Variants in RADX observed in about 807,000 individuals in gnomAD.
RADX encodes RPA-related protein RADX.
Under a neutral mutation model 61.6 loss-of-function variants are expected in RADX, and 36 were observed. The ratio of observed to expected loss-of-function variants is 0.58; its 90% CI spans 0.45 to 0.77. The LOEUF is 0.77. Ranked by LOEUF, RADX falls within the 30% of genes least tolerant of loss-of-function variation. RADX has a pLI of 0.00. For missense variants in RADX, 497 were observed against 651.1 expected (o/e 0.76, Z 2.58); for synonymous variants, 272 against 237.9 (o/e 1.14, Z -1.32).
intron 1 of RADX, among the ~76,000 whole-genome samples, chrX:106,619,702 CT>C (rs762078078): frequency 7.1e-4 from 79 of 111,501 alleles, no homozygotes; most frequent in African/African-American, 2.4e-3. Context: ...TTTCACTGAT[CT>C]TTTCAAATTT....
chrX:106,636,706 C>A, intron 7 of RADX, 59 bp downstream of exon 7: 1 of 602,295 alleles, frequency 1.7e-6, no homozygotes, highest in East Asian at 3.6e-5. Flanking sequence ...TAGAATCCTT[C>A]AGTACATATT....
intron 11 of RADX, among the ~76,000 whole-genome samples, chrX:106,648,656 AGTAGGAAGT>A (rs1176261159): frequency 1.8e-5 from 2 of 111,411 alleles, no homozygotes; most frequent in Non-Finnish European, 3.8e-5. Flanking sequence ...TAGAAGAATA[AGTAGGAAGT>A]TTAATTTTTA....
intron 9 of RADX, among the ~76,000 whole-genome samples, chrX:106,640,078 A>G (rs1927469146): frequency 9.2e-6 from 1 of 108,772 alleles, no homozygotes; most frequent in Non-Finnish European, 1.9e-5. Flanking sequence ...CTATGACTAT[A>G]TTAATTTCCT....
At chrX:106,624,778 T>C (rs1345985195) in intron 2 of RADX, among the ~76,000 whole-genome samples, 1 of 111,627 alleles carries the variant, frequency 9.0e-6, no homozygotes, top group Non-Finnish European at 1.9e-5. Context: ...GAATATAACA[T>C]CATTATTTAA....
chrX:106,622,097 C>T (rs1926963133), intron 1 of RADX, among the ~76,000 whole-genome samples: 1 of 108,978 alleles, frequency 9.2e-6, no homozygotes, highest in African/African-American at 3.3e-5. Context: ...CCACCAGGCC[C>T]AGCTAATTTT....
At chrX:106,634,370 G>T (rs747992017) in intron 6 of RADX, among the ~76,000 whole-genome samples, 4 of 111,155 alleles carry the variant, frequency 3.6e-5, no homozygotes, top group African/African-American at 1.3e-4. Flanking sequence ...TCAACCTCAG[G>T]TGATCTGCCC....
chrX:106,630,165 A>G (rs1485237886), intron 3 of RADX, among the ~76,000 whole-genome samples: 3 of 110,564 alleles, frequency 2.7e-5, no homozygotes, highest in Non-Finnish European at 5.7e-5. Flanking sequence ...TCTACAAATA[A>G]AAAGAAAAAA....
chrX:106,628,941 A>AT (rs960387984), intron 3 of RADX, among the ~76,000 whole-genome samples: 1 of 111,861 alleles, frequency 8.9e-6, no homozygotes, highest in Non-Finnish European at 1.9e-5. Flanking sequence ...AGCCAATGTA[A>AT]TTTTTTTAAA....
chrX:106,669,115 C>T, intron 12 of RADX, 48 bp from the exon 13 acceptor site: 1 of 1,041,479 alleles, frequency 9.6e-7, no homozygotes, highest in African/African-American at 1.8e-5. Flanking sequence ...ATCAGCACCA[C>T]ATGCTAACCC....
intron 1 of RADX, 97 bp from the exon 2 acceptor site, chrX:106,622,554 A>AT: frequency 2.8e-6 from 2 of 722,522 alleles, no homozygotes; most frequent in South Asian, 2.6e-5. Flanking sequence ...GAGTCACTTT[A>AT]GGTATGATCA....
chrX:106,626,578 A>G (rs748260047), intron 3 of RADX, among the ~76,000 whole-genome samples: 1 of 112,099 alleles, frequency 8.9e-6, no homozygotes, highest in African/African-American at 3.2e-5. Context: ...ATATAGAATT[A>G]TAGGACCAGA....
chrX:106,625,861 A>G (rs867662076), intron 3 of RADX, among the ~76,000 whole-genome samples: 1 of 111,465 alleles, frequency 9.0e-6, no homozygotes, highest in Non-Finnish European at 1.9e-5. Flanking sequence ...GCCATCATAC[A>G]TACCCCTTTA....
At chrX:106,648,754 T>C (rs1463831022) in intron 11 of RADX, among the ~76,000 whole-genome samples, 1 of 111,265 alleles carries the variant, frequency 9.0e-6, no homozygotes, top group Non-Finnish European at 1.9e-5. Context: ...ATTTGAACTT[T>C]GGCCTCATTT....
At chrX:106,632,246 T>G (rs780571683) in intron 3 of RADX, among the ~76,000 whole-genome samples, 4 of 112,065 alleles carry the variant, frequency 3.6e-5, no homozygotes, top group Non-Finnish European at 7.5e-5. Context: ...AACTGCTACA[T>G]GCAGCTACAT....
intron 13 of RADX, among the ~76,000 whole-genome samples, chrX:106,671,891 C>T (rs776396170): frequency 9.0e-6 from 1 of 110,961 alleles, no homozygotes. Flanking sequence ...AGAAATTAAC[C>T]TTTTATCATG....
intron 9 of RADX, chrX:106,640,339 G>GAT (rs1256610238): frequency 6.5e-6 from 2 of 307,387 alleles, no homozygotes; most frequent in East Asian, 1.0e-4. Flanking sequence ...TTTTCAGATA[G>GAT]TAGTATAAGA....
At chrX:106,642,612 C>T (rs1927546661) in intron 10 of RADX, among the ~76,000 whole-genome samples, 1 of 111,648 alleles carries the variant, frequency 9.0e-6, no homozygotes, top group Non-Finnish European at 1.9e-5. Flanking sequence ...AATAGTACTC[C>T]ATTGGGTATA....
chrX:106,666,624 CCTT>C (rs1330473656), intron 12 of RADX, among the ~76,000 whole-genome samples: 1 of 111,770 alleles, frequency 8.9e-6, no homozygotes, highest in African/African-American at 3.2e-5. Flanking sequence ...ATGAGTAAAG[CCTT>C]ATTATTTCAG....
chrX:106,622,872 C>G, intron 2 of RADX, 79 bp downstream of exon 2: 1 of 514,648 alleles, frequency 1.9e-6, no homozygotes, highest in East Asian at 4.2e-5. Flanking sequence ...AGTATGATAA[C>G]CTGTTCGTTT....
Sources: allele counts gnomAD v4.1 joint callset (sites outside exome capture counted in the v4.1 genomes callset), GRCh38; gene constraint gnomAD v4.1.1; transcripts MANE v1.5; gene names NCBI Gene and HGNC (gene_info 2026-07-23, HGNC 2026-07-21).